The following AGBL3 variants were observed in gnomAD, a reference collection of about 807,000 sequenced individuals.
AGBL3 encodes cytosolic carboxypeptidase 3.
A neutral mutation model predicts 94.5 loss-of-function variants in AGBL3; 68 were observed. The ratio of observed to expected loss-of-function variants is 0.72; its 90% CI spans 0.59 to 0.88. AGBL3 has a LOEUF of 0.88. AGBL3 is among the 40% of genes least tolerant of loss of function. The probability of loss-of-function intolerance (pLI) is 0.00; values close to 1 mark genes in which losing one functional copy is unlikely to be tolerated. For synonymous variants in AGBL3, 354 were observed against 370.7 expected, an observed-to-expected ratio of 0.95 and a Z score of 0.52; for missense variants, 934 against 1,103.8, an observed-to-expected ratio of 0.85 and a Z score of 2.18.
chr7:135,065,708 A>T (rs186876040), intron 12 of AGBL3, among the ~76,000 whole-genome samples: 1 of 152,352 alleles, frequency 6.6e-6, no homozygotes, highest in East Asian at 1.9e-4. Context: ...CCTAGGCAAC[A>T]GAGTGAGACC....
At chr7:135,036,709 A>G (rs1302806624) in intron 7 of AGBL3, among the ~76,000 whole-genome samples, 3 of 152,220 alleles carry the variant, frequency 2.0e-5, no homozygotes, top group African/African-American at 4.8e-5. Context: ...TTAGAAAGGA[A>G]GTGAGACATA....
intron 12 of AGBL3, among the ~76,000 whole-genome samples, chr7:135,064,645 T>G (rs1050331018): frequency 4.6e-5 from 7 of 152,158 alleles, no homozygotes; most frequent in Non-Finnish European, 8.8e-5. Flanking sequence ...GTTTATAAGA[T>G]TGAAAAATAG....
chr7:135,116,782 G>T (rs1281797601), intron 16 of AGBL3, among the ~76,000 whole-genome samples: 1 of 152,192 alleles, frequency 6.6e-6, no homozygotes, highest in Non-Finnish European at 1.5e-5. Flanking sequence ...TATCTGTGGT[G>T]CTTGGCTGGA....
At chr7:135,123,149 T>C (rs1289752352) in intron 16 of AGBL3, among the ~76,000 whole-genome samples, 2 of 152,174 alleles carry the variant, frequency 1.3e-5, no homozygotes, top group African/African-American at 4.8e-5. Context: ...AGAACGTTGA[T>C]AAAAGGTTAG....
intron 4 of AGBL3, among the ~76,000 whole-genome samples, chr7:135,014,243 C>G (rs1307575735): frequency 6.9e-6 from 1 of 145,828 alleles, no homozygotes; most frequent in Non-Finnish European, 1.5e-5. Flanking sequence ...AATGTTGATA[C>G]CTATTTCTGC....
chr7:135,107,436 A>T (rs1824903690), intron 15 of AGBL3, among the ~76,000 whole-genome samples: 1 of 152,236 alleles, frequency 6.6e-6, no homozygotes, highest in Non-Finnish European at 1.5e-5. Context: ...TTAATTAAAA[A>T]GAGCTTCTTG....
rs138641663 is a variant in AGBL3, at chr7:134,997,349, C to G, written c.310+3671C>G. Among the ~76,000 whole-genome samples the G allele has an allele frequency of 2.5e-3, 379 of 152,274 alleles. 1 individual carries two copies. The highest frequency in any genetic ancestry group is 8.7e-3 in the African/African-American group (362 of 41,562). On this transcript the variant is annotated intron_variant, in intron 4 of 16. Coordinates refer to ENST00000436302, the MANE Select transcript of AGBL3 (RefSeq NM_178563.4). ...TGGTCCATGGCCTCAGGGTTGGGGA[C>G]ACTTGCTATGCGGCAGGGTCCAGAT...
chr7:135,119,569 G>GA (rs1195957178), intron 16 of AGBL3, among the ~76,000 whole-genome samples: 2 of 148,164 alleles, frequency 1.3e-5, no homozygotes, highest in East Asian at 2.1e-4. Context: ...AAAAAAAAAA[G>GA]AAAAAACTAT....
intron 11 of AGBL3, among the ~76,000 whole-genome samples, chr7:135,058,097 G>A (rs1818496795): frequency 6.6e-6 from 1 of 152,102 alleles, no homozygotes; most frequent in African/African-American, 2.4e-5. Flanking sequence ...ATGTATCAGT[G>A]TTGTTTAATC....
At chr7:135,057,788 A>AT (rs945237545) in intron 11 of AGBL3, among the ~76,000 whole-genome samples, 5 of 152,220 alleles carry the variant, frequency 3.3e-5, no homozygotes, top group African/African-American at 1.2e-4. Context: ...TTATTCAGTG[A>AT]TTTTTTAAAA....
At chr7:134,992,620 A>G (rs757752520) in intron 3 of AGBL3, among the ~76,000 whole-genome samples, 1 of 152,196 alleles carries the variant, frequency 6.6e-6, no homozygotes, top group Non-Finnish European at 1.5e-5. Flanking sequence ...AACAATCCTG[A>G]TAAGTAACTA....
intron 15 of AGBL3, among the ~76,000 whole-genome samples, chr7:135,098,979 T>C (rs1823347813): frequency 6.6e-6 from 1 of 152,184 alleles, no homozygotes; most frequent in African/African-American, 2.4e-5. Flanking sequence ...TCACACATAC[T>C]ATTAATCTGT....
intron 13 of AGBL3, among the ~76,000 whole-genome samples, chr7:135,079,755 G>A (rs180757615): frequency 6.6e-5 from 10 of 151,660 alleles, no homozygotes; most frequent in Non-Finnish European, 1.3e-4. Flanking sequence ...GATGTGTACC[G>A]TGCCCAGCCT....
chr7:134,991,393 TAAGA>T (rs1810252215), intron 3 of AGBL3, among the ~76,000 whole-genome samples: 2 of 152,252 alleles, frequency 1.3e-5, no homozygotes, highest in South Asian at 4.1e-4. Flanking sequence ...GGTCTTCTGT[TAAGA>T]AAGACTGGGT....
At chr7:135,078,736 T>C (rs1327627322) in intron 13 of AGBL3, among the ~76,000 whole-genome samples, 1 of 152,166 alleles carries the variant, frequency 6.6e-6, no homozygotes, top group Non-Finnish European at 1.5e-5. Context: ...CTTCATTTGG[T>C]CAAATGCTTT....
chr7:135,081,700 T>C lies in AGBL3; in HGVS notation c.2039-19T>C, dbSNP rs1350798104. On this transcript the variant is annotated intron_variant, in intron 14 of 16. Coordinates refer to ENST00000436302, the MANE Select transcript of AGBL3 (RefSeq NM_178563.4). ...GCGAGTTATTTTCATGCTACTATGA[T>C]CTTTATCATCTTCTCTAGATACAAG... The C allele has an allele frequency of 2.0e-6, 3 of 1,484,084 alleles. No individual in the cohort carries two copies. The highest frequency in any genetic ancestry group is 2.7e-6 in the Non-Finnish European group (3 of 1,092,486). 91.9% of individuals were successfully genotyped at this position (1,484,084 alleles called of 1,614,324 possible).
chr7:135,054,048 A>C (rs1181916414), intron 11 of AGBL3, among the ~76,000 whole-genome samples: 2 of 152,192 alleles, frequency 1.3e-5, no homozygotes, highest in Admixed American at 1.3e-4. Flanking sequence ...CTATGATGGC[A>C]TAAGTGAAAC....
intron 12 of AGBL3, among the ~76,000 whole-genome samples, chr7:135,068,743 A>G (rs1256331101): frequency 5.9e-5 from 9 of 152,240 alleles, no homozygotes; most frequent in Admixed American, 5.9e-4. Flanking sequence ...GAAGCACTAA[A>G]CATGGAAAGG....
chr7:135,002,199 A>G (rs1028368512), intron 4 of AGBL3, among the ~76,000 whole-genome samples: 1 of 152,214 alleles, frequency 6.6e-6, no homozygotes, highest in African/African-American at 2.4e-5. Flanking sequence ...AAATTCAGAA[A>G]AACCATGACA....
Sources: gnomAD v4.1 joint callset for allele counts (sites outside exome capture counted in the v4.1 genomes callset) on GRCh38, gnomAD v4.1.1 for gene constraint, MANE v1.5 for transcripts, NCBI Gene and HGNC (gene_info 2026-07-23, HGNC 2026-07-21) for gene names.